CMTM8: variants seen among roughly 807,000 people sequenced by gnomAD.
The protein encoded by CMTM8 is CKLF-like MARVEL transmembrane domain-containing protein 8.
A neutral mutation model predicts 18.6 loss-of-function variants in CMTM8; 12 were observed. The observed-to-expected ratio is 0.65, with a 90% CI of 0.41 to 1.05. The LOEUF is 1.05. CMTM8 is among the 50% of genes least tolerant of loss of function. The pLI, the probability that CMTM8 is intolerant of heterozygous loss-of-function variation, is 0.00. For missense variants in CMTM8, 217 were observed against 227.2 expected, an observed-to-expected ratio of 0.95 and a Z score of 0.29; for synonymous variants, 87 against 90.6, an observed-to-expected ratio of 0.96 and a Z score of 0.23.
At chr3:32,340,578 G>A (rs777473376) in intron 1 of CMTM8, among the ~76,000 whole-genome samples, 8 of 152,254 alleles carry the variant, frequency 5.3e-5, no homozygotes, top group Non-Finnish European at 8.8e-5. Flanking sequence ...CAGAGAGTGT[G>A]TGTGGTTGTA....
intron 1 of CMTM8, among the ~76,000 whole-genome samples, chr3:32,313,803 G>T (rs1181247196): frequency 6.6e-6 from 1 of 152,168 alleles, no homozygotes; most frequent in Non-Finnish European, 1.5e-5. Context: ...ATGACTCATT[G>T]TGCTGTTATA....
At chr3:32,302,808 A>T (rs949250298) in intron 1 of CMTM8, among the ~76,000 whole-genome samples, 1 of 152,228 alleles carries the variant, frequency 6.6e-6, no homozygotes, top group Non-Finnish European at 1.5e-5. Flanking sequence ...ACCTGTGCGC[A>T]TACACACCAA....
intron 1 of CMTM8, among the ~76,000 whole-genome samples, chr3:32,328,046 AC>A: frequency 6.6e-6 from 1 of 152,236 alleles, no homozygotes; most frequent in South Asian, 2.1e-4. Flanking sequence ...CCTCATCTCT[AC>A]AAAAAATTTA....
chr3:32,357,562 G>A lies in CMTM8; in HGVS notation c.321+16G>A. The A allele has an allele frequency of 1.5e-5, 25 of 1,613,332 alleles. No individual in the cohort carries two copies. Among genetic ancestry groups the A allele is most frequent in the Non-Finnish European group, 2.0e-5 (24 of 1,179,516 alleles). ...GACAACAGTGGTAAGGAAGCTGTGGGTGGTGGTCTTGTCCAGTGCCCACTC... is the reference window on the plus strand; with the variant it reads ...GACAACAGTGGTAAGGAAGCTGTGGATGGTGGTCTTGTCCAGTGCCCACTC... On this transcript the variant is annotated intron_variant, in intron 2 of 3. Coordinates refer to ENST00000307526, the MANE Select transcript of CMTM8 (RefSeq NM_178868.5).
At chr3:32,335,746 G>A (rs974912032) in intron 1 of CMTM8, among the ~76,000 whole-genome samples, 30 of 152,274 alleles carry the variant, frequency 2.0e-4, no homozygotes, top group South Asian at 1.0e-3. Flanking sequence ...CTGATAACCC[G>A]GGAATTTCAG....
chr3:32,359,098 C>T (rs1696869549), intron 2 of CMTM8, among the ~76,000 whole-genome samples: 1 of 152,152 alleles, frequency 6.6e-6, no homozygotes, highest in Admixed American at 6.5e-5. Flanking sequence ...ACCCTTATTT[C>T]CCCTTTTGCA....
rs201028724 is a variant in CMTM8 at position 32,357,359 on chromosome 3, C to T, written c.148-14C>T. The stretch of plus-strand genomic sequence containing the variant: ...CTGTCCCCTCCTCTCTCCACTGCTT[C>T]TACCACTTTACAGGTTCTGGGGCTG... On this transcript the variant is annotated splice_polypyrimidine_tract_variant and intron_variant, in intron 1 of 3. Coordinates refer to ENST00000307526, the MANE Select transcript of CMTM8 (RefSeq NM_178868.5). 2 of 1,611,566 alleles carry T rather than the reference C, an allele frequency of 1.2e-6. No homozygotes were observed. Among genetic ancestry groups the T allele is most frequent in the Non-Finnish European group, 1.7e-6 (2 of 1,178,428 alleles).
At chr3:32,288,391 C>T (rs144495040) in intron 1 of CMTM8, among the ~76,000 whole-genome samples, 3,404 of 152,196 alleles carry the variant, frequency 0.022, 128 homozygotes, top group African/African-American at 0.075. Flanking sequence ...AGTGATCCTC[C>T]CACCTCAGCC....
intron 1 of CMTM8, chr3:32,260,347 A>T (rs1702239474): frequency 3.6e-6 from 2 of 551,332 alleles, no homozygotes; most frequent in East Asian, 5.8e-5. Flanking sequence ...CTATACGTTA[A>T]TATTTTGCCT....
chr3:32,249,208 C>T lies in CMTM8; in HGVS notation c.147+10089C>T, dbSNP rs1390414771. Among the ~76,000 whole-genome samples the T allele has an allele frequency of 5.9e-5, 9 of 151,436 alleles. 1 individual carries two copies. Among genetic ancestry groups the T allele is most frequent in the Admixed American group, 4.6e-4 (7 of 15,190 alleles). ...CTTTGGGAGGTCAAGGCAGGCAGAT[C>T]GCTTGAGCCCAGGAGTTCAAGACTA... On this transcript the variant is annotated intron_variant, in intron 1 of 3. Coordinates refer to ENST00000307526, the MANE Select transcript of CMTM8 (RefSeq NM_178868.5).
At chr3:32,315,110 TTTCTTC>T (rs1039190701) in intron 1 of CMTM8, among the ~76,000 whole-genome samples, 2 of 148,998 alleles carry the variant, frequency 1.3e-5, no homozygotes, top group Non-Finnish European at 3.0e-5. Context: ...CAGCCTCTGT[TTTCTTC>T]TTCTTCTTCT....
chr3:32,352,117 G>A (rs866065802), intron 1 of CMTM8, among the ~76,000 whole-genome samples: 40 of 147,998 alleles, frequency 2.7e-4, no homozygotes, highest in Middle Eastern at 7.3e-3. Flanking sequence ...GGCGGAGGTT[G>A]CAGTGAGCCA....
At chr3:32,330,126 A>G (rs950642449) in intron 1 of CMTM8, among the ~76,000 whole-genome samples, 9 of 151,880 alleles carry the variant, frequency 5.9e-5, no homozygotes, top group Non-Finnish European at 1.0e-4. Flanking sequence ...AAAATGTAAT[A>G]TTGTTAAAAT....
chr3:32,367,746 C>A (rs757624310), intron 2 of CMTM8, 126 bp from the exon 3 acceptor site: 6 of 624,154 alleles, frequency 9.6e-6, no homozygotes, highest in Non-Finnish European at 1.7e-5. Context: ...CCTTCTCCCC[C>A]ACCCTCCCAC....
rs140945903 is a variant in CMTM8 at position 32,301,823 on chromosome 3, A to G, written c.148-55550A>G. ...TCAGAGAACATTGGACTGAGTGTCAAGAGGTTTCCATTTCGAGTCTGGCTA... is the reference window on the plus strand; with the variant it reads ...TCAGAGAACATTGGACTGAGTGTCAGGAGGTTTCCATTTCGAGTCTGGCTA... On this transcript the variant is annotated intron_variant, in intron 1 of 3. Transcript: ENST00000307526. 1.9e-3 allele frequency among the ~76,000 whole-genome samples: 289 copies of G among 152,294 alleles called. 1 individual carries two copies. Among genetic ancestry groups the G allele is most frequent in the African/African-American group, 6.7e-3 (277 of 41,570 alleles).
intron 1 of CMTM8, among the ~76,000 whole-genome samples, chr3:32,304,998 G>A (rs537105102): frequency 6.6e-6 from 1 of 152,206 alleles, no homozygotes; most frequent in African/African-American, 2.4e-5. Context: ...TGGGCTAGTG[G>A]CTGAGAACCA....
At chr3:32,303,777 T>TA (rs1695671614) in intron 1 of CMTM8, among the ~76,000 whole-genome samples, 1 of 152,304 alleles carries the variant, frequency 6.6e-6, no homozygotes, top group Admixed American at 6.5e-5. Context: ...ATGTGTGTGA[T>TA]CTTATTTTTG....
At chr3:32,261,848 G>A (rs553625944) in intron 1 of CMTM8, among the ~76,000 whole-genome samples, 23 of 152,174 alleles carry the variant, frequency 1.5e-4, no homozygotes, top group Admixed American at 5.2e-4. Flanking sequence ...GAGATTCATG[G>A]TGCCAGCCTA....
intron 2 of CMTM8, among the ~76,000 whole-genome samples, chr3:32,360,647 G>T (rs17029291): frequency 2.6e-5 from 4 of 152,230 alleles, no homozygotes; most frequent in African/African-American, 7.2e-5. Flanking sequence ...CACAAATCAG[G>T]AGCATAGCAA....
Sources: gnomAD v4.1 joint callset for allele counts (sites outside exome capture counted in the v4.1 genomes callset) on GRCh38, gnomAD v4.1.1 for gene constraint, MANE v1.5 for transcripts, NCBI Gene and HGNC (gene_info 2026-07-23, HGNC 2026-07-21) for gene names.